The following CD226 variants were observed in gnomAD, a reference collection of about 807,000 sequenced individuals.
CD226 encodes CD226 molecule.
A neutral mutation model predicts 34.9 loss-of-function variants in CD226; 24 were observed. The observed-to-expected ratio is 0.69, with a 90% CI of 0.50 to 0.97. The LOEUF (loss-of-function observed/expected upper bound fraction) is 0.97. CD226 is among the 50% of genes least tolerant of loss of function. The pLI, the probability that CD226 is intolerant of heterozygous loss-of-function variation, is 0.00. For synonymous variants in CD226, 148 were observed against 147.4 expected, an observed-to-expected ratio of 1.00 and a Z score of -0.03; for missense variants, 397 against 412.7, an observed-to-expected ratio of 0.96 and a Z score of 0.33.
chr18:69,953,962 T>A (rs1469121085), intron 1 of CD226, among the ~76,000 whole-genome samples: 3 of 148,620 alleles, frequency 2.0e-5, no homozygotes, highest in African/African-American at 7.5e-5. Flanking sequence ...ATTGTGCCAC[T>A]GCACTCCAGC....
Position 69,864,037 on chromosome 18 carries a change from C to G in CD226, c.*277G>C. 3.7e-6 allele frequency: 1 copy of G among 269,546 alleles called. No individual in the cohort carries two copies. Among genetic ancestry groups the G allele is most frequent in the Non-Finnish European group, 7.0e-6 (1 of 143,154 alleles). 16.7% of individuals were successfully genotyped at this position (269,546 alleles called of 1,614,324 possible). ...TAATTCTAGACACAACATTTAAGCCCTGGTAAATAGCCCTTGCCCAAAGCT... is the reference window on the plus strand; with the variant it reads ...TAATTCTAGACACAACATTTAAGCCGTGGTAAATAGCCCTTGCCCAAAGCT... On this transcript the variant is annotated 3_prime_UTR_variant, in exon 6 of 6. Transcript: ENST00000582621.
Position 69,947,041 on chromosome 18 carries a change from T to C in CD226, c.75A>G (p.Thr25=), listed in dbSNP as rs767818405. 8.7e-6 allele frequency: 14 copies of C among 1,613,994 alleles called. No individual in the cohort carries two copies. In the Admixed American group the frequency reaches 1.2e-4, roughly 13 times the overall value. The stretch of plus-strand genomic sequence containing the variant: ...ACATGTTCTCGGCAAAGGGAACTGA[T>C]GTATGCCAAAGCACCTCTTCACATA... The part of the protein sequence containing the change: ...RALCEEVLWH[T]SVPFAENMSL... The change falls in exon 2 of 6, where the codon ACA becomes ACG. Residue 25 remains threonine (T), a synonymous_variant. Coordinates refer to ENST00000582621, the MANE Select transcript of CD226 (RefSeq NM_001303618.2).
At chr18:69,901,287 T>C (rs1452251376) in intron 2 of CD226, among the ~76,000 whole-genome samples, 1 of 152,194 alleles carries the variant, frequency 6.6e-6, no homozygotes, top group Non-Finnish European at 1.5e-5. Context: ...AGACACTTAA[T>C]AATTTTAAGA....
chr18:69,937,725 C>A (rs2055672686), intron 2 of CD226, among the ~76,000 whole-genome samples: 1 of 152,132 alleles, frequency 6.6e-6, no homozygotes, highest in African/African-American at 2.4e-5. Context: ...TGAGACACTT[C>A]CCTCTCCCCA....
intron 3 of CD226, among the ~76,000 whole-genome samples, chr18:69,887,485 C>T (rs1310366155): frequency 6.6e-6 from 1 of 152,162 alleles, no homozygotes. Flanking sequence ...TTACACATTG[C>T]GTCCCACAGA....
At chr18:69,891,362 G>T (rs1311367033) in intron 3 of CD226, among the ~76,000 whole-genome samples, 1 of 151,436 alleles carries the variant, frequency 6.6e-6, no homozygotes, top group Non-Finnish European at 1.5e-5. Flanking sequence ...TCTATGAAAA[G>T]CCCACAGCTA....
rs1982613767 is a variant in CD226, at chr18:69,856,490, A to G, written c.*7824T>C. On this transcript the variant is annotated 3_prime_UTR_variant, in exon 6 of 6. Transcript: ENST00000582621. ...TGGACATTTGTAGAATATTACACTC[A>G]ACAGCAGAATGAACATTCTTCTTAA... 1.3e-5 allele frequency: 2 copies of G among 152,234 alleles called. No homozygotes were observed. Among genetic ancestry groups the G allele is most frequent in the South Asian group, 4.1e-4 (2 of 4,834 alleles). 9.4% of individuals were successfully genotyped at this position (152,234 alleles called of 1,614,324 possible). A position where few individuals can be genotyped will look rare whatever the true frequency, so the allele number is the denominator to read the frequency against.
At chr18:69,869,799 C>CTTTTT (rs1002754140) in intron 4 of CD226, among the ~76,000 whole-genome samples, 7 of 121,680 alleles carry the variant, frequency 5.8e-5, no homozygotes, top group Admixed American at 1.8e-4. Flanking sequence ...TCTTTTTTTT[C>CTTTTT]TTTTTTTTTT....
intron 2 of CD226, among the ~76,000 whole-genome samples, chr18:69,914,329 G>A (rs932489355): frequency 6.6e-6 from 1 of 152,154 alleles, no homozygotes; most frequent in African/African-American, 2.4e-5. Flanking sequence ...AGAGGAGCTT[G>A]GTTCAAGTTG....
At position 69,883,995 on chromosome 18, in the gene CD226, T is replaced by C. The variant is rs905412310; in HGVS notation, c.728-10749A>G. 2.0e-5 allele frequency among the ~76,000 whole-genome samples: 3 copies of C among 152,308 alleles called. No individual in the cohort carries two copies. The South Asian group carries it at 6.2e-4, about 32-fold the overall frequency. On this transcript the variant is annotated intron_variant, in intron 3 of 5. Transcript: ENST00000582621. ...GCAAAGTCAGAAGGACTGGCTGATG[T>C]CCCTGAAGAAAAGCAGGTGTTTAGC...
intron 2 of CD226, among the ~76,000 whole-genome samples, chr18:69,943,106 T>C (rs1223172466): frequency 6.6e-6 from 1 of 152,132 alleles, no homozygotes; most frequent in East Asian, 1.9e-4. Context: ...TGAACCTCAG[T>C]GTCTTCTGTT....
At position 69,864,417 on chromosome 18, in the gene CD226, G is replaced by A. The variant is rs1289810110; in HGVS notation, c.908C>T (p.Pro303Leu). The A allele has an allele frequency of 6.2e-7, 1 of 1,613,424 alleles. No homozygotes were observed. Among genetic ancestry groups the A allele is most frequent in the Admixed American group, 1.7e-5 (1 of 59,990 alleles). Reference sequence around the variant, plus strand: ...ATTGGTAGGTTGACTGGTAGAGATGGGACTTCTATAGTTATTGGGTGCCTA... The same window carrying A: ...ATTGGTAGGTTGACTGGTAGAGATGAGACTTCTATAGTTATTGGGTGCCTA... Reference protein sequence around the residue: ...TQKAPNNYRSPISTSQPTNQS... With the variant: ...TQKAPNNYRSLISTSQPTNQS... The change falls in exon 6 of 6, where the codon CCC (proline) becomes CTC (leucine). Residue 303 changes from proline (P) to leucine (L), a missense_variant. Coordinates refer to ENST00000582621, the MANE Select transcript of CD226 (RefSeq NM_001303618.2).
At chr18:69,944,582 C>CA (rs2055766604) in intron 2 of CD226, 1 of 152,192 alleles carries the variant, frequency 6.6e-6, no homozygotes, top group African/African-American at 2.4e-5. Flanking sequence ...TGACAGAAAC[C>CA]AAAACAGCTA....
chr18:69,923,790 T>TA (rs1430475237), intron 2 of CD226, among the ~76,000 whole-genome samples: 1 of 151,638 alleles, frequency 6.6e-6, no homozygotes, highest in Non-Finnish European at 1.5e-5. Flanking sequence ...CCGTCTCTAC[T>TA]AAAAATACAA....
chr18:69,912,048 C>G (rs1297440174), intron 2 of CD226, among the ~76,000 whole-genome samples: 1 of 152,096 alleles, frequency 6.6e-6, no homozygotes, highest in Non-Finnish European at 1.5e-5. Context: ...CATGTGCACA[C>G]GTGCAGGTTT....
At chr18:69,868,820 CACACAG>C (rs1192063262) in intron 4 of CD226, among the ~76,000 whole-genome samples, 1 of 152,092 alleles carries the variant, frequency 6.6e-6, no homozygotes, top group African/African-American at 2.4e-5. Flanking sequence ...CACACACACA[CACACAG>C]ACACACACAT....
chr18:69,929,498 T>C (rs1030241353), intron 2 of CD226, among the ~76,000 whole-genome samples: 1 of 152,206 alleles, frequency 6.6e-6, no homozygotes, highest in African/African-American at 2.4e-5. Context: ...GAGGGTTAAA[T>C]GAAATAATCA....
intron 3 of CD226, among the ~76,000 whole-genome samples, chr18:69,875,267 A>G (rs1983794176): frequency 1.3e-5 from 2 of 152,118 alleles, no homozygotes; most frequent in African/African-American, 4.8e-5. Flanking sequence ...GCCTCCAAGT[A>G]GCTGGGATTA....
chr18:69,957,733 G>A (rs572866745), upstream of CD226, among the ~76,000 whole-genome samples: 7 of 152,136 alleles, frequency 4.6e-5, no homozygotes, highest in Non-Finnish European at 1.0e-4. Context: ...GGAGAAGAAA[G>A]TGCAATACTG....
Sources: allele counts gnomAD v4.1 joint callset (sites outside exome capture counted in the v4.1 genomes callset), GRCh38; gene constraint gnomAD v4.1.1; transcripts MANE v1.5; gene names NCBI Gene and HGNC (gene_info 2026-07-23, HGNC 2026-07-21).